The following HIKESHI variants were observed in gnomAD, a reference collection of about 807,000 sequenced individuals.
The protein encoded by HIKESHI is heat shock protein nuclear import factor hikeshi.
A neutral mutation model predicts 25.7 loss-of-function variants in HIKESHI; 13 were observed. The observed-to-expected ratio is 0.51, with a 90% CI of 0.33 to 0.80. The LOEUF is 0.80. Among genes scored for constraint, HIKESHI ranks in the 30% least tolerant of loss-of-function variants. HIKESHI has a pLI of 0.02. For synonymous variants in HIKESHI, 76 were observed against 78.7 expected, an observed-to-expected ratio of 0.97 and a Z score of 0.18; for missense variants, 174 against 229.5, an observed-to-expected ratio of 0.76 and a Z score of 1.56.
intron 2 of HIKESHI, among the ~76,000 whole-genome samples, chr11:86,316,341 G>A (rs531544528): frequency 4.7e-5 from 7 of 149,946 alleles, no homozygotes; most frequent in East Asian, 2.0e-4. Context: ...GTAAAACCCC[G>A]TCTCCACTAA....
At chr11:86,327,397 C>T (rs1947312331) in intron 2 of HIKESHI, among the ~76,000 whole-genome samples, 1 of 152,006 alleles carries the variant, frequency 6.6e-6, no homozygotes, top group Admixed American at 6.6e-5. Flanking sequence ...TCACTGCCAG[C>T]TCCGCCTCCC....
At chr11:86,315,503 T>C (rs1946952960) in intron 2 of HIKESHI, among the ~76,000 whole-genome samples, 1 of 152,250 alleles carries the variant, frequency 6.6e-6, no homozygotes, top group East Asian at 1.9e-4. Context: ...GTATTTTTAG[T>C]AGAGTCGGGG....
chr11:86,329,553 C>A (rs943559320), intron 2 of HIKESHI, among the ~76,000 whole-genome samples: 1 of 145,420 alleles, frequency 6.9e-6, no homozygotes, highest in African/African-American at 2.5e-5. Flanking sequence ...TCTTTCTTTT[C>A]AATTTTTATG....
At chr11:86,341,717 T>C (rs1947736631) in intron 3 of HIKESHI, among the ~76,000 whole-genome samples, 1 of 152,138 alleles carries the variant, frequency 6.6e-6, no homozygotes, top group Non-Finnish European at 1.5e-5. Flanking sequence ...TGTTCTACTG[T>C]TGACTGACTA....
At chr11:86,303,380 T>C (rs1278481643) in intron 1 of HIKESHI, 1 of 981,570 alleles carries the variant, frequency 1.0e-6, no homozygotes, top group East Asian at 1.1e-4. Context: ...GAAAGATAAG[T>C]TGGAGATGAC....
chr11:86,329,555 A>G (rs958640926), intron 2 of HIKESHI, among the ~76,000 whole-genome samples: 1 of 142,928 alleles, frequency 7.0e-6, no homozygotes, highest in Non-Finnish European at 1.5e-5. Flanking sequence ...TTTCTTTTCA[A>G]TTTTTATGCC....
intron 2 of HIKESHI, among the ~76,000 whole-genome samples, chr11:86,322,343 C>T (rs1048669113): frequency 6.6e-6 from 1 of 151,946 alleles, no homozygotes; most frequent in Non-Finnish European, 1.5e-5. Context: ...TGGTTAATAT[C>T]CAAATCGTTT....
chr11:86,338,504 T>C (rs1947631239), intron 3 of HIKESHI, among the ~76,000 whole-genome samples: 3 of 152,180 alleles, frequency 2.0e-5, no homozygotes, highest in Admixed American at 2.0e-4. Flanking sequence ...TCTTGCTTAG[T>C]GAAATAGAAA....
chr11:86,316,854 C>T (rs1946998067), intron 2 of HIKESHI, among the ~76,000 whole-genome samples: 1 of 127,604 alleles, frequency 7.8e-6, no homozygotes, highest in African/African-American at 3.0e-5. Context: ...AGTGCAGTGG[C>T]ACAGTCTCGG....
intron 4 of HIKESHI, 187 bp from the exon 5 acceptor site, chr11:86,345,397 G>T: frequency 2.1e-6 from 1 of 473,314 alleles, no homozygotes; most frequent in East Asian, 3.7e-5. Flanking sequence ...AAACTGCCCC[G>T]ATATTTAAAT....
intron 2 of HIKESHI, among the ~76,000 whole-genome samples, chr11:86,331,688 G>T (rs1460016357): frequency 6.6e-6 from 1 of 151,964 alleles, no homozygotes; most frequent in African/African-American, 2.4e-5. Flanking sequence ...ACATACTATG[G>T]TATCAGATAA....
At chr11:86,334,753 A>T (rs1230525627) in intron 2 of HIKESHI, among the ~76,000 whole-genome samples, 3 of 152,090 alleles carry the variant, frequency 2.0e-5, no homozygotes, top group African/African-American at 4.8e-5. Flanking sequence ...GGCCTAAGCG[A>T]TCCTCCCACC....
At chr11:86,320,728 A>C (rs1049074623) in intron 2 of HIKESHI, among the ~76,000 whole-genome samples, 1 of 152,240 alleles carries the variant, frequency 6.6e-6, no homozygotes, top group African/African-American at 2.4e-5. Context: ...ACCACAATCA[A>C]TGAATGGACC....
At chr11:86,315,956 T>C (rs540126632) in intron 2 of HIKESHI, among the ~76,000 whole-genome samples, 23 of 152,022 alleles carry the variant, frequency 1.5e-4, no homozygotes, top group Non-Finnish European at 3.2e-4. Flanking sequence ...ATAATATTGA[T>C]TCTCCTTACA....
intron 2 of HIKESHI, among the ~76,000 whole-genome samples, chr11:86,314,683 T>C (rs1946927471): frequency 6.6e-6 from 1 of 152,042 alleles, no homozygotes; most frequent in Admixed American, 6.6e-5. Flanking sequence ...CTAAAAATTG[T>C]TTAGAATTGA....
chr11:86,336,856 T>C (rs2138406042), intron 2 of HIKESHI, among the ~76,000 whole-genome samples: 1 of 152,212 alleles, frequency 6.6e-6, no homozygotes, highest in East Asian at 1.9e-4. Flanking sequence ...GCAAGGATCC[T>C]TGCTAAGATT....
intron 2 of HIKESHI, among the ~76,000 whole-genome samples, chr11:86,329,574 CTTTT>C (rs71040232): frequency 4.2e-5 from 6 of 143,878 alleles, no homozygotes; most frequent in African/African-American, 5.1e-5. Flanking sequence ...CCTGTGATTT[CTTTT>C]TTTTTTTTTT....
At chr11:86,324,312 A>C (rs1947221128) in intron 2 of HIKESHI, 1 of 152,204 alleles carries the variant, frequency 6.6e-6, no homozygotes, top group African/African-American at 2.4e-5. Flanking sequence ...TGTTTGGCCC[A>C]TTGGCTTTTT....
intron 2 of HIKESHI, among the ~76,000 whole-genome samples, chr11:86,320,570 C>G (rs1473619694): frequency 6.6e-6 from 1 of 152,228 alleles, no homozygotes. Flanking sequence ...CAGTGAAACT[C>G]TGTCTCAAAA....
Sources: gnomAD v4.1 joint callset for allele counts (sites outside exome capture counted in the v4.1 genomes callset) on GRCh38, gnomAD v4.1.1 for gene constraint, MANE v1.5 for transcripts, NCBI Gene and HGNC (gene_info 2026-07-23, HGNC 2026-07-21) for gene names.